The following ANK2 variants were observed in gnomAD, a reference collection of about 807,000 sequenced individuals.
The protein encoded by ANK2 is ankyrin 2.
In ANK2, 83 loss-of-function variants were observed where a neutral mutation model predicts 360.5. The ratio of observed to expected loss-of-function variants is 0.23; its 90% confidence interval spans 0.19 to 0.28. The LOEUF is 0.28. Among genes scored for constraint, ANK2 ranks in the 10% least tolerant of loss-of-function variants. The probability of loss-of-function intolerance (pLI) is 1.00; values close to 1 mark genes in which losing one functional copy is unlikely to be tolerated. For synonymous variants in ANK2, 1,740 were observed against 1,759.5 expected (o/e 0.99, Z 0.28); for missense variants, 4,201 against 4,795.7 (o/e 0.88, Z 3.66).
At chr4:113,098,384 G>A (rs998040056) in intron 1 of ANK2, among the ~76,000 whole-genome samples, 16 of 151,914 alleles carry the variant, frequency 1.1e-4, no homozygotes, top group East Asian at 3.9e-4. Context: ...GATCATCACC[G>A]TTGATTCCAT....
At chr4:113,166,597 T>C (rs973669263) in intron 1 of ANK2, among the ~76,000 whole-genome samples, 2 of 152,068 alleles carry the variant, frequency 1.3e-5, no homozygotes, top group African/African-American at 2.4e-5. Flanking sequence ...TACTAGTTTT[T>C]GTTTTTTTGG....
At chr4:113,002,076 A>G (rs1309833599) in intron 2 of ANK2, among the ~76,000 whole-genome samples, 1 of 152,090 alleles carries the variant, frequency 6.6e-6, no homozygotes, top group Non-Finnish European at 1.5e-5. Flanking sequence ...CACAATGTGC[A>G]GGTTAGTTAC....
intron 1 of ANK2, among the ~76,000 whole-genome samples, chr4:112,863,103 A>C (rs2150127296): frequency 6.6e-6 from 1 of 152,320 alleles, no homozygotes; most frequent in Non-Finnish European, 1.5e-5. Flanking sequence ...AAACTAACTT[A>C]TTTCTTTCCC....
At chr4:113,018,782 T>C (rs938699416) in intron 2 of ANK2, among the ~76,000 whole-genome samples, 5 of 152,240 alleles carry the variant, frequency 3.3e-5, no homozygotes, top group African/African-American at 1.2e-4. Flanking sequence ...TTGCAGGTAG[T>C]GTCATTCTTT....
chr4:112,724,931 T>C, the ANK2 span, among the ~76,000 whole-genome samples: 1 of 152,134 alleles, frequency 6.6e-6, no homozygotes, highest in African/African-American at 2.4e-5. Context: ...GTCAGAAGAA[T>C]GGATACACGA....
chr4:113,348,037 GTA>G, intron 35 of ANK2: 2 of 544,620 alleles, frequency 3.7e-6, no homozygotes, highest in Non-Finnish European at 6.6e-6. Context: ...TCTGGAATTA[GTA>G]TATTTATAAT....
chr4:113,009,063 G>A (rs1366088461), intron 2 of ANK2, among the ~76,000 whole-genome samples: 2 of 152,142 alleles, frequency 1.3e-5, no homozygotes, highest in South Asian at 2.1e-4. Flanking sequence ...GAAGGCTGTT[G>A]GGAACTGGTT....
intron 2 of ANK2, among the ~76,000 whole-genome samples, chr4:112,957,638 G>T (rs559490961): frequency 1.4e-5 from 2 of 148,034 alleles, no homozygotes; most frequent in Non-Finnish European, 3.0e-5. Context: ...CTGGCCGGGC[G>T]GGGGGCTGAC....
the ANK2 span, among the ~76,000 whole-genome samples, chr4:112,758,307 A>T: frequency 1.3e-5 from 2 of 152,034 alleles, no homozygotes; most frequent in African/African-American, 4.8e-5. Context: ...TGTAAAATTT[A>T]TTCATTTAAT....
At chr4:112,768,058 A>G in the ANK2 span, among the ~76,000 whole-genome samples, 31 of 152,174 alleles carry the variant, frequency 2.0e-4, no homozygotes, top group Non-Finnish European at 4.4e-4. Context: ...GACGAAGTTG[A>G]TATGCAAGAT....
chr4:113,128,267 T>A (rs2095792557), intron 1 of ANK2, among the ~76,000 whole-genome samples: 1 of 152,186 alleles, frequency 6.6e-6, no homozygotes, highest in Non-Finnish European at 1.5e-5. Flanking sequence ...GTCTCATCTG[T>A]AAACTGAGTT....
the ANK2 span, among the ~76,000 whole-genome samples, chr4:112,805,794 C>T: frequency 6.6e-6 from 1 of 152,098 alleles, no homozygotes; most frequent in Non-Finnish European, 1.5e-5. Context: ...GTTGGTCAGG[C>T]TCGAACTCCT....
intron 2 of ANK2, among the ~76,000 whole-genome samples, chr4:113,184,010 G>A (rs978983939): frequency 1.3e-5 from 2 of 150,064 alleles, no homozygotes; most frequent in African/African-American, 4.9e-5. Context: ...CCCCAAGTTC[G>A]GTGATTAATA....
At chr4:113,269,676 G>C (rs190022021) in intron 14 of ANK2, among the ~76,000 whole-genome samples, 1 of 152,318 alleles carries the variant, frequency 6.6e-6, no homozygotes, top group East Asian at 1.9e-4. Context: ...CCTGCCATCT[G>C]TGTTGATCTC....
At chr4:113,220,567 A>AT (rs984675602) in intron 4 of ANK2, among the ~76,000 whole-genome samples, 1 of 152,036 alleles carries the variant, frequency 6.6e-6, no homozygotes, top group Non-Finnish European at 1.5e-5. Context: ...TTGCTTTCTT[A>AT]TTTTTTGTTT....
intron 2 of ANK2, among the ~76,000 whole-genome samples, chr4:113,009,040 A>G (rs2053871628): frequency 6.6e-6 from 1 of 152,236 alleles, no homozygotes; most frequent in African/African-American, 2.4e-5. Flanking sequence ...ACCTATCCAC[A>G]GAAGTATACG....
the ANK2 span, among the ~76,000 whole-genome samples, chr4:112,808,201 G>C: frequency 2.6e-5 from 4 of 152,218 alleles, no homozygotes; most frequent in African/African-American, 9.7e-5. Flanking sequence ...ACTTCTTTGT[G>C]ATTCTCAGAC....
chr4:112,865,736 A>T (rs1313897602), intron 1 of ANK2, among the ~76,000 whole-genome samples: 1 of 152,236 alleles, frequency 6.6e-6, no homozygotes, highest in Non-Finnish European at 1.5e-5. Context: ...ATTCTTATAT[A>T]CCTGAGATTT....
chr4:113,337,577 C>T (rs1319582142), intron 31 of ANK2, among the ~76,000 whole-genome samples: 1 of 152,030 alleles, frequency 6.6e-6, no homozygotes, highest in Non-Finnish European at 1.5e-5. Flanking sequence ...AGTAATCATC[C>T]CTGGATGTTT....
Sources: allele counts gnomAD v4.1 joint callset (sites outside exome capture counted in the v4.1 genomes callset), GRCh38; gene constraint gnomAD v4.1.1; transcripts MANE v1.5; gene names NCBI Gene and HGNC (gene_info 2026-07-23, HGNC 2026-07-21).